The following DHX57 variants were observed in gnomAD, a reference collection of about 807,000 sequenced individuals.
The protein encoded by DHX57 is DExH-box helicase 57.
A neutral mutation model predicts 156.2 loss-of-function variants in DHX57; 105 were observed. That is an observed-to-expected ratio of 0.67 (90% CI 0.57 to 0.79). DHX57 has a LOEUF of 0.79. Ranked by LOEUF, DHX57 falls within the 30% of genes least tolerant of loss-of-function variation. The pLI, the probability that DHX57 is intolerant of heterozygous loss-of-function variation, is 0.00. For missense variants in DHX57, 1,847 were observed against 1,661.9 expected, an observed-to-expected ratio of 1.11 and a Z score of -1.94; for synonymous variants, 704 against 595.6, an observed-to-expected ratio of 1.18 and a Z score of -2.65.
chr2:38,811,568 A>G, intron 21 of DHX57: 2 of 1,329,860 alleles, frequency 1.5e-6, no homozygotes, highest in South Asian at 2.3e-5. Context: ...CAATAATGTC[A>G]TAGCCTTGTT....
chr2:38,798,508 A>G, intron 23 of DHX57, 66 bp from the exon 24 acceptor site: 1 of 1,496,712 alleles, frequency 6.7e-7, no homozygotes, highest in Non-Finnish European at 8.9e-7. Flanking sequence ...TTGGAGGGAA[A>G]TACCCAAGTT....
chr2:38,863,574 A>C, intron 2 of DHX57, 55 bp from the exon 3 acceptor site: 1 of 1,563,342 alleles, frequency 6.4e-7, no homozygotes, highest in Non-Finnish European at 8.7e-7. Context: ...GAACTTTTAC[A>C]CTCTCCTCAG....
intron 15 of DHX57, 32 bp downstream of exon 15, chr2:38,826,484 C>A (rs1288560151): frequency 6.2e-7 from 1 of 1,601,156 alleles, no homozygotes; most frequent in African/African-American, 1.3e-5. Flanking sequence ...GCATTTTTAG[C>A]CCCTCTCTTA....
chr2:38,803,854 T>G (rs963382027), intron 22 of DHX57, among the ~76,000 whole-genome samples: 3 of 151,136 alleles, frequency 2.0e-5, no homozygotes, highest in African/African-American at 7.3e-5. Context: ...TGATCTTGGC[T>G]CACTGCAACC....
chr2:38,813,615 G>T (rs918168536), intron 21 of DHX57, among the ~76,000 whole-genome samples: 2 of 152,010 alleles, frequency 1.3e-5, no homozygotes, highest in Non-Finnish European at 2.9e-5. Context: ...CTCGTGATCC[G>T]CCCGCCTCGG....
chr2:38,818,170 T>C (rs80271150), intron 19 of DHX57, among the ~76,000 whole-genome samples: 1,776 of 152,228 alleles, frequency 0.012, 23 homozygotes, highest in East Asian at 0.058. Context: ...TCCAGAATAA[T>C]GCACATATGT....
At chr2:38,802,181 C>T (rs189275244) in intron 23 of DHX57, among the ~76,000 whole-genome samples, 3 of 152,248 alleles carry the variant, frequency 2.0e-5, no homozygotes, top group Non-Finnish European at 4.4e-5. Context: ...TCAGCCCGTA[C>T]CAGACTTCCC....
At chr2:38,874,401 ATTTTTTTTT>A (rs60727396) in intron 1 of DHX57, among the ~76,000 whole-genome samples, 4 of 75,458 alleles carry the variant, frequency 5.3e-5, no homozygotes, top group Admixed American at 1.6e-4. Context: ...GAAATACTGT[ATTTTTTTTT>A]TTTTTTTTTT....
At chr2:38,823,810 G>T (rs941692042) in intron 16 of DHX57, among the ~76,000 whole-genome samples, 11 of 152,138 alleles carry the variant, frequency 7.2e-5, no homozygotes, top group African/African-American at 2.6e-4. Context: ...TCAGGAGTTC[G>T]AGACCAGCCT....
chr2:38,868,805 TA>T (rs869173588), intron 1 of DHX57, among the ~76,000 whole-genome samples: 1 of 30,934 alleles, frequency 3.2e-5, no homozygotes, highest in Non-Finnish European at 1.0e-4. Context: ...TTTAGAGTTT[TA>T]TTTATTTATT....
In DHX57 at chr2:38,815,617, T is replaced by C. The variant is rs1420398956; in HGVS notation, c.3510A>G (p.Leu1170=). 6.2e-7 allele frequency: 1 copy of C among 1,614,134 alleles called. No homozygotes were observed. Among genetic ancestry groups the C allele is most frequent in the East Asian group, 2.2e-5 (1 of 44,880 alleles). The stretch of plus-strand genomic sequence containing the variant: ...CTTCCCTTGCAAACCCTATATCCGA[T>C]AACAGTTCCGTGAATTGTCGTTTGA... ...ASLKRQFTEL[L]SDIGFAREGL... The change falls in exon 20 of 24, where the codon TTA becomes TTG. Residue 1170 remains leucine, a synonymous_variant. Coordinates refer to ENST00000457308, the MANE Select transcript of DHX57 (RefSeq NM_198963.3).
intron 13 of DHX57, among the ~76,000 whole-genome samples, chr2:38,837,062 T>C (rs1233001834): frequency 1.3e-5 from 2 of 152,210 alleles, no homozygotes; most frequent in South Asian, 2.1e-4. Context: ...TTTTCCAGGC[T>C]GATCTCAAAC....
rs564200896 is a variant in DHX57, at chr2:38,873,056, T to C, written c.-7+2731A>G. On this transcript the variant is annotated intron_variant, in intron 1 of 23. Coordinates refer to ENST00000457308, the MANE Select transcript of DHX57 (RefSeq NM_198963.3). ...AGGCTGGAGTGCAGTGGCACAATCT[T>C]GGCTCACAGCAACCTCCGCCTCCCA... 4.5e-4 allele frequency among the ~76,000 whole-genome samples: 68 copies of C among 152,168 alleles called. 1 individual carries two copies. The highest frequency in any genetic ancestry group is 1.5e-3 in the South Asian group (7 of 4,826).
Position 38,861,266 on chromosome 2 carries a change from G to T in DHX57, c.1144C>A (p.Pro382Thr), listed in dbSNP as rs758280427. The T allele has an allele frequency of 1.9e-6, 3 of 1,614,194 alleles. No homozygotes were observed. Among genetic ancestry groups the T allele is most frequent in the South Asian group, 1.1e-5 (1 of 91,084 alleles). The change falls in exon 5 of 24, where the codon CCT becomes ACT. Residue 382 changes from proline to threonine, a missense_variant. Transcript: ENST00000457308. ...VAFYSTNENL[P>T]LACRLHISEF... ...GAAATATGTAAACGACAAGCCAGAG[G>T]TAGGTTCTCATTGGTGGAATAAAAT...
At chr2:38,807,579 G>A (rs1038401339) in intron 21 of DHX57, among the ~76,000 whole-genome samples, 3 of 151,870 alleles carry the variant, frequency 2.0e-5, no homozygotes, top group African/African-American at 7.3e-5. Context: ...GGATGGTCTC[G>A]ATCTCCTGAC....
intron 21 of DHX57, chr2:38,811,429 C>T (rs1670242869): frequency 3.3e-6 from 2 of 600,336 alleles, no homozygotes; most frequent in Non-Finnish European, 3.2e-6. Context: ...AGTCCTCATA[C>T]AGGCCAGATG....
chr2:38,862,710 T>C (rs1031533035), intron 3 of DHX57: 1 of 160,620 alleles, frequency 6.2e-6, no homozygotes, highest in African/African-American at 2.4e-5. Context: ...CAGATTCCTG[T>C]GTTCTTAACC....
intron 16 of DHX57, 94 bp downstream of exon 16, chr2:38,825,753 A>C: frequency 3.0e-6 from 4 of 1,317,466 alleles, no homozygotes; most frequent in Non-Finnish European, 4.3e-6. Context: ...TTCTTAGCCA[A>C]ATATCTTCTA....
At chr2:38,862,054 T>C (rs186475618) in intron 4 of DHX57, 91 bp downstream of exon 4, 3 of 1,412,468 alleles carry the variant, frequency 2.1e-6, no homozygotes, top group Non-Finnish European at 2.8e-6. Context: ...ACCCACATAA[T>C]AGGAAAGTAC....
Sources: gnomAD v4.1 joint callset for allele counts (sites outside exome capture counted in the v4.1 genomes callset) on GRCh38, gnomAD v4.1.1 for gene constraint, MANE v1.5 for transcripts, NCBI Gene and HGNC (gene_info 2026-07-23, HGNC 2026-07-21) for gene names.